PDE1C: variants seen among roughly 807,000 people sequenced by gnomAD.
The protein encoded by PDE1C is phosphodiesterase 1C, also known as dual specificity calcium/calmodulin-dependent 3',5'-cyclic nucleotide phosphodiesterase 1C.
PDE1C carries 62 observed loss-of-function variants against 93.1 expected under a neutral mutation model. That is an observed-to-expected ratio of 0.67 (90% CI 0.54 to 0.82). The LOEUF (loss-of-function observed/expected upper bound fraction) is 0.82. Among genes scored for constraint, PDE1C ranks in the 40% least tolerant of loss-of-function variants. The pLI is 0.00. For missense variants in PDE1C, 742 were observed against 884.6 expected (o/e 0.84, Z 2.04); for synonymous variants, 325 against 310.1 (o/e 1.05, Z -0.50).
chr7:31,964,358 GCTAGCACAGCAATCTGAGATCAAAC>G (rs547116279), intron 2 of PDE1C, among the ~76,000 whole-genome samples: 1,975 of 152,318 alleles, frequency 0.013, 17 homozygotes, highest in Non-Finnish European at 0.021. Context: ...CTCGCTCACT[GCTAGCACAGCAATCTGAGATCAAAC>G]TGCAAGGCAG....
Position 31,983,615 on chromosome 7 carries a change from T to TA in PDE1C, c.128+67938dup, listed in dbSNP as rs199931915. On this transcript the variant is annotated intron_variant, in intron 2 of 17. Transcript: ENST00000396191. Reference sequence around the variant, plus strand: ...GGGTGACAGAGCAAGACCCTGCCTCTAAAAAAAATAATAATTTTTTTTAAA... The same window carrying TA: ...GGGTGACAGAGCAAGACCCTGCCTCTAAAAAAAAATAATAATTTTTTTTAAA... Among the ~76,000 whole-genome samples, 388 of 151,146 alleles carry TA rather than the reference T, an allele frequency of 2.6e-3. 4 individuals carry two copies. Among genetic ancestry groups the TA allele is most frequent in the African/African-American group, 8.8e-3 (363 of 41,384 alleles).
At chr7:31,806,329 C>T (rs1243697110) in intron 16 of PDE1C, among the ~76,000 whole-genome samples, 1 of 151,944 alleles carries the variant, frequency 6.6e-6, no homozygotes, top group African/African-American at 2.4e-5. Context: ...TATGTTATTA[C>T]AAACATGACT....
intron 1 of PDE1C, among the ~76,000 whole-genome samples, chr7:32,420,343 ATATATATGTGTATATATATATGTG>A (rs1785397638): frequency 4.2e-5 from 1 of 23,916 alleles, no homozygotes; most frequent in Non-Finnish European, 7.8e-5. Flanking sequence ...ATATATGTGT[ATATATATGTGTATATATATATGTG>A]TATATATATG....
At chr7:32,355,417 G>A (rs1189262980) in intron 1 of PDE1C, among the ~76,000 whole-genome samples, 1 of 152,200 alleles carries the variant, frequency 6.6e-6, no homozygotes, top group Non-Finnish European at 1.5e-5. Context: ...TAGGTTGAGA[G>A]GGTTTTGACT....
At chr7:31,700,287 G>A in the PDE1C span, among the ~76,000 whole-genome samples, 2 of 152,106 alleles carry the variant, frequency 1.3e-5, no homozygotes, top group African/African-American at 4.8e-5. Context: ...TTGTTGATAC[G>A]GGGAAAGTTT....
At chr7:31,772,079 T>G (rs1024932983) in intron 17 of PDE1C, among the ~76,000 whole-genome samples, 4 of 152,014 alleles carry the variant, frequency 2.6e-5, no homozygotes, top group Non-Finnish European at 5.9e-5. Flanking sequence ...ATTTGGGTTT[T>G]GGGTTCTTTC....
chr7:32,308,122 C>T (rs111792703), intron 1 of PDE1C, among the ~76,000 whole-genome samples: 3,349 of 152,336 alleles, frequency 0.022, 61 homozygotes, highest in South Asian at 0.075. Context: ...CACGGAGTCT[C>T]GCTGATTGCT....
the PDE1C span, among the ~76,000 whole-genome samples, chr7:31,622,620 A>T: frequency 2.0e-5 from 3 of 152,076 alleles, no homozygotes; most frequent in Admixed American, 2.0e-4. Flanking sequence ...GTGTAGAGGG[A>T]AATTTATAGC....
the PDE1C span, among the ~76,000 whole-genome samples, chr7:31,681,525 G>A: frequency 6.6e-6 from 1 of 152,108 alleles, no homozygotes; most frequent in Non-Finnish European, 1.5e-5. Context: ...AGATTCTTGT[G>A]TCTTGCTCTG....
At chr7:32,133,829 C>T (rs1563340836) in intron 3 of PDE1C, among the ~76,000 whole-genome samples, 1 of 151,690 alleles carries the variant, frequency 6.6e-6, no homozygotes, top group Non-Finnish European at 1.5e-5. Context: ...ATCATAATTA[C>T]CAGATAAAAA....
At chr7:32,391,258 A>G (rs1437777634) in intron 1 of PDE1C, among the ~76,000 whole-genome samples, 1 of 152,206 alleles carries the variant, frequency 6.6e-6, no homozygotes, top group Non-Finnish European at 1.5e-5. Context: ...AAATATTACC[A>G]GAGCAAAAAA....
At chr7:32,322,762 C>A (rs1783323795) in intron 1 of PDE1C, among the ~76,000 whole-genome samples, 1 of 151,944 alleles carries the variant, frequency 6.6e-6, no homozygotes, top group Non-Finnish European at 1.5e-5. Context: ...AATACAGGCG[C>A]CTGCCACCAC....
chr7:31,770,563 G>A (rs1278767751), intron 17 of PDE1C, among the ~76,000 whole-genome samples: 1 of 152,028 alleles, frequency 6.6e-6, no homozygotes, highest in African/African-American at 2.4e-5. Context: ...CCAGGCTGGG[G>A]TGCAGTGACA....
chr7:32,149,770 AT>A (rs1390722628), intron 3 of PDE1C, among the ~76,000 whole-genome samples: 1 of 152,296 alleles, frequency 6.6e-6, no homozygotes, highest in Non-Finnish European at 1.5e-5. Context: ...AATGAGTGGC[AT>A]TTTCTCCTTT....
chr7:31,634,469 T>C, the PDE1C span, among the ~76,000 whole-genome samples: 1 of 152,158 alleles, frequency 6.6e-6, no homozygotes, highest in African/African-American at 2.4e-5. Context: ...TTCATTACTT[T>C]CCCTATGAGG....
intron 1 of PDE1C, among the ~76,000 whole-genome samples, chr7:32,296,725 G>C (rs1409493414): frequency 6.6e-6 from 1 of 152,070 alleles, no homozygotes; most frequent in African/African-American, 2.4e-5. Context: ...AGGACAACCT[G>C]GTATAACTTT....
intron 11 of PDE1C, among the ~76,000 whole-genome samples, chr7:31,831,900 G>T (rs1583514521): frequency 6.6e-6 from 1 of 152,112 alleles, no homozygotes; most frequent in Non-Finnish European, 1.5e-5. Context: ...CAACAGATGG[G>T]GAATACTCAT....
chr7:31,859,940 G>A (rs139090525), intron 7 of PDE1C, among the ~76,000 whole-genome samples: 1 of 152,036 alleles, frequency 6.6e-6, no homozygotes, highest in East Asian at 1.9e-4. Context: ...GAAATCTATG[G>A]TATTCCAGAG....
the PDE1C span, chr7:31,686,821 G>C: frequency 6.6e-6 from 1 of 152,178 alleles, no homozygotes; most frequent in East Asian, 1.9e-4. Context: ...ATAGTACTTT[G>C]AGAAGCAGCA....
Sources: gnomAD v4.1 joint callset for allele counts (sites outside exome capture counted in the v4.1 genomes callset) on GRCh38, gnomAD v4.1.1 for gene constraint, MANE v1.5 for transcripts, NCBI Gene and HGNC (gene_info 2026-07-23, HGNC 2026-07-21) for gene names.